Variants in CSRNP3 observed in about 807,000 individuals in gnomAD.
CSRNP3 encodes cysteine and serine rich nuclear protein 3.
In CSRNP3, 12 loss-of-function variants were observed where a neutral mutation model predicts 48.0. The observed-to-expected ratio is 0.25, with a 90% confidence interval of 0.16 to 0.41. CSRNP3 has a LOEUF of 0.41. Ranked by LOEUF, CSRNP3 falls within the 10% of genes least tolerant of loss-of-function variation. The pLI is 1.00. For synonymous variants in CSRNP3, 263 were observed against 269.7 expected (o/e 0.98, Z 0.24); for missense variants, 580 against 724.4 (o/e 0.80, Z 2.29).
chr2:165,570,179 A>G (rs1239686054), intron 3 of CSRNP3, among the ~76,000 whole-genome samples: 1 of 152,018 alleles, frequency 6.6e-6, no homozygotes. Flanking sequence ...TAACTCACCA[A>G]GGTCATCTAT....
chr2:165,626,530 T>C (rs1042963020), intron 4 of CSRNP3, among the ~76,000 whole-genome samples: 3 of 152,222 alleles, frequency 2.0e-5, no homozygotes, highest in Non-Finnish European at 4.4e-5. Context: ...CGTATTTCCT[T>C]GTCCAAAGCA....
intron 4 of CSRNP3, among the ~76,000 whole-genome samples, chr2:165,612,870 TA>T (rs1272380985): frequency 1.3e-5 from 2 of 152,124 alleles, no homozygotes; most frequent in African/African-American, 4.8e-5. Context: ...CTATTGTGAA[TA>T]GCGCTGCAGT....
At chr2:165,596,900 A>G (rs1558945237) in intron 4 of CSRNP3, among the ~76,000 whole-genome samples, 1 of 152,198 alleles carries the variant, frequency 6.6e-6, no homozygotes, top group Non-Finnish European at 1.5e-5. Flanking sequence ...ATGCTCCAAT[A>G]GCTTTATAGA....
At chr2:165,480,639 A>ATT (rs1684027850) in intron 1 of CSRNP3, among the ~76,000 whole-genome samples, 1 of 151,844 alleles carries the variant, frequency 6.6e-6, no homozygotes, top group African/African-American at 2.4e-5. Flanking sequence ...AGAAATATAA[A>ATT]TTGGCAGAAC....
At chr2:165,672,424 A>G (rs1687346295) in intron 5 of CSRNP3, among the ~76,000 whole-genome samples, 1 of 152,240 alleles carries the variant, frequency 6.6e-6, no homozygotes, top group African/African-American at 2.4e-5. Context: ...GCAGGTGAAT[A>G]GGGAATGAGA....
At chr2:165,498,033 A>T (rs1341164246) in intron 2 of CSRNP3, among the ~76,000 whole-genome samples, 1 of 152,110 alleles carries the variant, frequency 6.6e-6, no homozygotes, top group African/African-American at 2.4e-5. Context: ...AGCTAAATGA[A>T]ATAGTGGGCC....
intron 1 of CSRNP3, among the ~76,000 whole-genome samples, chr2:165,475,099 T>A (rs1683943735): frequency 6.6e-6 from 1 of 152,160 alleles, no homozygotes; most frequent in Non-Finnish European, 1.5e-5. Context: ...AAAATCAATA[T>A]TTGTCATCAG....
At chr2:165,638,138 T>A (rs1686662530) in intron 4 of CSRNP3, among the ~76,000 whole-genome samples, 1 of 152,194 alleles carries the variant, frequency 6.6e-6, no homozygotes, top group African/African-American at 2.4e-5. Flanking sequence ...ATTATTATAT[T>A]TAACTTAGTG....
intron 4 of CSRNP3, among the ~76,000 whole-genome samples, chr2:165,635,942 G>A (rs538525437): frequency 8.2e-4 from 125 of 152,188 alleles, no homozygotes; most frequent in Non-Finnish European, 1.5e-3. Context: ...GAATTGTAGA[G>A]TCAACTCCCA....
chr2:165,584,037 A>C (rs10803799), intron 3 of CSRNP3, among the ~76,000 whole-genome samples: 46,463 of 152,034 alleles, frequency 0.31, 7,490 homozygotes, highest in Admixed American at 0.43. Flanking sequence ...TAGGATGAAC[A>C]AAAAGATCAT....
intron 4 of CSRNP3, among the ~76,000 whole-genome samples, chr2:165,610,426 C>T (rs1237774401): frequency 6.6e-6 from 1 of 152,182 alleles, no homozygotes; most frequent in Non-Finnish European, 1.5e-5. Context: ...AGTCTGGGTT[C>T]AAACACCCTG....
rs528892563 is a variant in CSRNP3 at position 165,537,548 on chromosome 2, AATT to A, written c.-24+19595_-24+19597del. 1.6e-4 allele frequency among the ~76,000 whole-genome samples: 25 copies of A among 151,566 alleles called. No individual in the cohort carries two copies. The East Asian group carries it at 2.3e-3, about 14-fold the overall frequency. ...TCAGTTTTATAAGTGTAAATGGAAA[AATT>A]ATTATTACCTTTACATTGATTTGTT... On this transcript the variant is annotated intron_variant, in intron 3 of 6. Transcript: ENST00000651982.
intron 2 of CSRNP3, among the ~76,000 whole-genome samples, chr2:165,496,078 G>T (rs1684280288): frequency 6.6e-6 from 1 of 151,936 alleles, no homozygotes; most frequent in East Asian, 1.9e-4. Flanking sequence ...TCTCCCCCAG[G>T]ATTCAAAATT....
intron 4 of CSRNP3, among the ~76,000 whole-genome samples, chr2:165,608,463 A>G (rs924268639): frequency 6.6e-6 from 1 of 152,194 alleles, no homozygotes; most frequent in Non-Finnish European, 1.5e-5. Context: ...GAAAGTAACA[A>G]AAGAATTAAG....
intron 1 of CSRNP3, among the ~76,000 whole-genome samples, chr2:165,494,043 G>A (rs1048515610): frequency 1.3e-5 from 2 of 152,046 alleles, no homozygotes. Flanking sequence ...GGCTACATAT[G>A]ACTGGCTTTC....
intron 4 of CSRNP3, among the ~76,000 whole-genome samples, chr2:165,641,766 G>T (rs1440206776): frequency 6.6e-6 from 1 of 152,112 alleles, no homozygotes; most frequent in Non-Finnish European, 1.5e-5. Context: ...ATTTTAGTTT[G>T]CTCCAAATGA....
At chr2:165,553,447 A>G (rs1043880308) in intron 3 of CSRNP3, among the ~76,000 whole-genome samples, 1 of 152,226 alleles carries the variant, frequency 6.6e-6, no homozygotes, top group Non-Finnish European at 1.5e-5. Context: ...TGGCTGGAGA[A>G]AGTGCACAAC....
In CSRNP3 at chr2:165,686,945, C is replaced by T. The variant is rs961592507; in HGVS notation, c.*7192C>T. 1 of 152,062 alleles carries T rather than the reference C, an allele frequency of 6.6e-6. No homozygotes were observed. Among genetic ancestry groups the T allele is most frequent in the African/African-American group, 2.4e-5 (1 of 41,410 alleles). 9.4% of individuals were successfully genotyped at this position (152,062 alleles called of 1,614,324 possible). ...GAGGTCATATGGCTCATCGATCTAC[C>T]ACCAGGGAAGACTGTCACTTAGGCA... On this transcript the variant is annotated 3_prime_UTR_variant, in exon 7 of 7. Transcript: ENST00000651982.
At chr2:165,541,221 C>CG (rs1388421375) in intron 3 of CSRNP3, among the ~76,000 whole-genome samples, 1 of 134,778 alleles carries the variant, frequency 7.4e-6, no homozygotes, top group Non-Finnish European at 1.6e-5. Context: ...ACACCAAATG[C>CG]ATTTTTTTTT....
Sources: allele counts gnomAD v4.1 joint callset (sites outside exome capture counted in the v4.1 genomes callset), GRCh38; gene constraint gnomAD v4.1.1; transcripts MANE v1.5; gene names NCBI Gene and HGNC (gene_info 2026-07-23, HGNC 2026-07-21).